The following SARDH variants were observed in gnomAD, a reference collection of about 807,000 sequenced individuals.
SARDH encodes the protein sarcosine dehydrogenase, also known as sarcosine dehydrogenase, mitochondrial.
SARDH carries 95 observed loss-of-function variants against 109.1 expected under a neutral mutation model. The ratio of observed to expected loss-of-function variants is 0.87; its 90% CI spans 0.74 to 1.03. The LOEUF is 1.03. Among genes scored for constraint, SARDH ranks in the 50% least tolerant of loss-of-function variants. The pLI is 0.00. For synonymous variants in SARDH, 572 were observed against 534.8 expected, an observed-to-expected ratio of 1.07 and a Z score of -0.96; for missense variants, 1,267 against 1,287.8, an observed-to-expected ratio of 0.98 and a Z score of 0.25.
In SARDH at chr9:133,737,517, G is replaced by A. The variant is rs1024375006; in HGVS notation, c.-31+737C>T. ...GGGGAAAGCCAGCTTGAGTGGCACCGAGGAAGGCCCTCCAAGGCTGAACAC... is the reference window on the plus strand; with the variant it reads ...GGGGAAAGCCAGCTTGAGTGGCACCAAGGAAGGCCCTCCAAGGCTGAACAC... On this transcript the variant is annotated intron_variant, in intron 1 of 20. Transcript: ENST00000439388. Among the ~76,000 whole-genome samples, 7 of 152,192 alleles carry A rather than the reference G, an allele frequency of 4.6e-5. No homozygotes were observed. The East Asian group carries it at 7.7e-4, about 17-fold the overall frequency.
At position 133,708,470 on chromosome 9, in the gene SARDH, C is replaced by T. The variant is rs140371620; in HGVS notation, c.1329-42G>A. 2,413 of 1,577,684 alleles carry T rather than the reference C, an allele frequency of 1.5e-3. 53 individuals carry two copies. The African/African-American group carries it at 0.03, about 19-fold the overall frequency. ...GACGGGTCACTGCTTTGGGGATGGC[C>T]CGTCAGGGAAGGGCTAGCCTAGGAC... On this transcript the variant is annotated intron_variant, in intron 10 of 20. Coordinates refer to ENST00000439388, the MANE Select transcript of SARDH (RefSeq NM_001134707.2).
intron 13 of SARDH, among the ~76,000 whole-genome samples, chr9:133,700,755 AAAC>A (rs758011923): frequency 3.8e-3 from 572 of 152,242 alleles, no homozygotes; most frequent in Non-Finnish European, 6.3e-3. Context: ...ACACACACAT[AAAC>A]AACATCACTC....
At chr9:133,707,594 C>T (rs1403220514) in intron 11 of SARDH, among the ~76,000 whole-genome samples, 5 of 152,198 alleles carry the variant, frequency 3.3e-5, no homozygotes, top group Non-Finnish European at 7.4e-5. Context: ...CTTGCCTCCC[C>T]GCCCATCCAT....
chr9:133,697,960 C>T (rs1831342065), intron 13 of SARDH, among the ~76,000 whole-genome samples: 1 of 131,848 alleles, frequency 7.6e-6, no homozygotes, highest in South Asian at 2.4e-4. Flanking sequence ...AAAAACATCC[C>T]TATTTGCCAA....
downstream of SARDH, among the ~76,000 whole-genome samples, chr9:133,662,231 C>T (rs1295117904): frequency 6.6e-6 from 1 of 152,152 alleles, no homozygotes; most frequent in Non-Finnish European, 1.5e-5. This position sits in a 1 kb window ranked among gnomAD's most constrained non-coding sequence, Gnocchi z 5.1. Context: ...CCGTTGCGTG[C>T]ATTCCCCAGC....
In SARDH at chr9:133,667,978, C is replaced by T. The variant is rs143562354; in HGVS notation, c.2496-1108G>A. ...GAACTGCAACAGTCCAGAGCCGCGG[C>T]GCAGGGCAGCTATTATGCAGCCTGA... is the stretch of plus-strand genomic sequence containing the variant. On this transcript the variant is annotated intron_variant, in intron 19 of 20. Coordinates refer to ENST00000439388, the MANE Select transcript of SARDH (RefSeq NM_001134707.2). Among the ~76,000 whole-genome samples the T allele has an allele frequency of 3.5e-4, 53 of 152,212 alleles. No homozygotes were observed. The East Asian group carries it at 8.5e-3, about 24-fold the overall frequency.
At chr9:133,679,235 T>A (rs1036614647) in intron 17 of SARDH, among the ~76,000 whole-genome samples, 1 of 152,230 alleles carries the variant, frequency 6.6e-6, no homozygotes, top group African/African-American at 2.4e-5. Context: ...ATATCGGGTA[T>A]CTGTCTCAGG....
chr9:133,707,080 C>T (rs1831721269), intron 11 of SARDH, among the ~76,000 whole-genome samples: 1 of 152,192 alleles, frequency 6.6e-6, no homozygotes, highest in Non-Finnish European at 1.5e-5. Flanking sequence ...GGCAGGCTCC[C>T]CTCTTTATAA....
intron 13 of SARDH, among the ~76,000 whole-genome samples, chr9:133,700,362 A>T (rs929138848): frequency 1.3e-5 from 2 of 149,772 alleles, no homozygotes; most frequent in Non-Finnish European, 3.0e-5. Context: ...TTGAAAAATT[A>T]AAAAAAAAAG....
chr9:133,725,804 C>G (rs1832470618), intron 6 of SARDH: 1 of 231,076 alleles, frequency 4.3e-6, no homozygotes, highest in South Asian at 5.0e-5. Flanking sequence ...AGCAAGCAGG[C>G]ATGGCGTGTG....
intron 14 of SARDH, among the ~76,000 whole-genome samples, chr9:133,695,993 G>A (rs888248327): frequency 1.3e-5 from 2 of 152,034 alleles, no homozygotes; most frequent in Non-Finnish European, 1.5e-5. Flanking sequence ...GAAGGCAGAG[G>A]TAGGGAGGAG....
At position 133,718,316 on chromosome 9, in the gene SARDH, C is replaced by T; in HGVS notation, c.1020+622G>A. On this transcript the variant is annotated intron_variant, in intron 7 of 20. Transcript: ENST00000439388. The surrounding 1 kb of genome is among the most constrained non-coding windows in gnomAD (Gnocchi z 4.2). ...CAAATTCCTGACCTCAGGTGGTCCG[C>T]CCACCTCAGCCTCCCAAAGTGCTGG... The T allele has an allele frequency of 5.6e-6, 1 of 177,460 alleles. No individual in the cohort carries two copies. Among genetic ancestry groups the T allele is most frequent in the Non-Finnish European group, 1.2e-5 (1 of 83,578 alleles). 11.0% of individuals were successfully genotyped at this position (177,460 alleles called of 1,614,324 possible). A position where few individuals can be genotyped will look rare whatever the true frequency, so the allele number is the denominator to read the frequency against.
rs558168499 is a variant in SARDH, at chr9:133,685,098, C to G, written c.2163+95G>C. 5 of 1,075,922 alleles carry G rather than the reference C, an allele frequency of 4.6e-6. No homozygotes were observed. In the African/African-American group the frequency reaches 6.3e-5, roughly 14 times the overall value. 66.6% of individuals were successfully genotyped at this position (1,075,922 alleles called of 1,614,324 possible). ...ACCGAGGCCCAGGGAGGCAAAGGAA[C>G]CTGCCCGAGAGCCCCCAGCCCCCAG... On this transcript the variant is annotated intron_variant, in intron 17 of 20. Coordinates refer to ENST00000439388, the MANE Select transcript of SARDH (RefSeq NM_001134707.2).
chr9:133,671,383 G>C (rs1164511059), intron 18 of SARDH, 152 bp downstream of exon 18: 2 of 1,025,668 alleles, frequency 1.9e-6, no homozygotes, highest in African/African-American at 3.3e-5. Flanking sequence ...GTCAGGCGCT[G>C]GGGTGTAGGG....
chr9:133,691,508 T>A (rs1189916872), intron 15 of SARDH, among the ~76,000 whole-genome samples: 2 of 152,090 alleles, frequency 1.3e-5, no homozygotes, highest in Non-Finnish European at 2.9e-5. Context: ...CGGCAGTGGG[T>A]GTGGGGGGAG....
At position 133,717,401 on chromosome 9, in the gene SARDH, G is replaced by C. The variant is rs1173025583; in HGVS notation, c.1075C>G (p.Gln359Glu). The C allele has an allele frequency of 1.2e-6, 2 of 1,614,142 alleles. No homozygotes were observed. The highest frequency in any genetic ancestry group is 2.2e-5 in the South Asian group (2 of 91,086). Residue 359 changes from glutamine (Q) to glutamate (E), a missense_variant, in exon 8 of 21, where the codon CAG (glutamine) becomes GAG (glutamate). Gln to Glu is a conservative substitution (Grantham distance 29). Transcript: ENST00000439388. ...CTGTTGATGGCGCCTTCAATGTGCT[G>C]GGTGAACACCTCCCAGTCCAGGTCA... is the stretch of plus-strand genomic sequence containing the variant. ...LFDLDWEVFT[Q>E]HIEGAINRVP...
chr9:133,704,360 C>T lies in SARDH; in HGVS notation c.1554+588G>A, dbSNP rs1027864434. On this transcript the variant is annotated intron_variant, in intron 12 of 20. Coordinates refer to ENST00000439388, the MANE Select transcript of SARDH (RefSeq NM_001134707.2). The surrounding 1 kb of genome is among the most constrained non-coding windows in gnomAD (Gnocchi z 4.5). ...CCCCTCAGCTGGCCTTAAGGCCTCG[C>T]GTCCCCTGCTCCCGAGGGTCTGGGT... Among the ~76,000 whole-genome samples, 3 of 152,140 alleles carry T rather than the reference C, an allele frequency of 2.0e-5. No individual in the cohort carries two copies. The highest frequency in any genetic ancestry group is 1.3e-4 in the Admixed American group (2 of 15,282).
intron 17 of SARDH, among the ~76,000 whole-genome samples, chr9:133,675,715 T>G (rs1264211290): frequency 3.9e-5 from 6 of 152,162 alleles, no homozygotes; most frequent in Non-Finnish European, 7.3e-5. Flanking sequence ...AAAGGAGGGA[T>G]TCGAAGAGGT....
At chr9:133,708,474 C>G (rs1262232827) in intron 10 of SARDH, 46 bp from the exon 11 acceptor site, 1 of 1,572,544 alleles carries the variant, frequency 6.4e-7, no homozygotes, top group Non-Finnish European at 8.6e-7. Context: ...GATGGCCCGT[C>G]AGGGAAGGGC....
Sources: gnomAD v4.1 joint callset for allele counts (sites outside exome capture counted in the v4.1 genomes callset) on GRCh38, gnomAD v4.1.1 for gene constraint, Gnocchi (gnomAD v3.1) non-coding constraint, MANE v1.5 for transcripts, NCBI Gene and HGNC (gene_info 2026-07-23, HGNC 2026-07-21) for gene names.